Variants in DTD1 observed in about 807,000 individuals in gnomAD.
DTD1 encodes D-aminoacyl-tRNA deacylase 1.
DTD1 carries 13 observed loss-of-function variants against 25.6 expected under a neutral mutation model. The ratio of observed to expected loss-of-function variants is 0.51; its 90% CI spans 0.33 to 0.81. The LOEUF (loss-of-function observed/expected upper bound fraction) is 0.81. Ranked by LOEUF, DTD1 falls within the 30% of genes least tolerant of loss-of-function variation. The pLI, the probability that DTD1 is intolerant of heterozygous loss-of-function variation, is 0.02. For missense variants in DTD1, 193 were observed against 266.4 expected (o/e 0.72, Z 1.92); for synonymous variants, 110 against 103.6 (o/e 1.06, Z -0.37).
At chr20:18,597,004 A>G (rs1006207713) in intron 3 of DTD1, among the ~76,000 whole-genome samples, 3 of 152,196 alleles carry the variant, frequency 2.0e-5, no homozygotes, top group African/African-American at 4.8e-5. Context: ...GGGTTTGGGC[A>G]AATTTATAAT....
rs578186105 is a variant in DTD1 at position 18,618,950 on chromosome 20, T to C, written c.371-9177T>C. Reference sequence around the variant, plus strand: ...CTCATCTCGAACTCTTGATCTCAGGTACTCCTCCTGCTTTGGCCTTCCAAA... The same window carrying C: ...CTCATCTCGAACTCTTGATCTCAGGCACTCCTCCTGCTTTGGCCTTCCAAA... On this transcript the variant is annotated intron_variant, in intron 3 of 5. Transcript: ENST00000377452. Among the ~76,000 whole-genome samples, 23 of 152,268 alleles carry C rather than the reference T, an allele frequency of 1.5e-4. No individual in the cohort carries two copies. In the South Asian group the frequency reaches 4.8e-3, roughly 32 times the overall value.
intron 4 of DTD1, among the ~76,000 whole-genome samples, chr20:18,658,252 G>A (rs1482219035): frequency 1.3e-5 from 2 of 149,904 alleles, no homozygotes; most frequent in South Asian, 2.1e-4. Context: ...GTGTGTTGTT[G>A]TTGTTGTTTT....
chr20:18,690,950 C>T (rs1427707571), intron 4 of DTD1, among the ~76,000 whole-genome samples: 1 of 152,042 alleles, frequency 6.6e-6, no homozygotes, highest in African/African-American at 2.4e-5. Context: ...TTAACATGGG[C>T]AAAGGACATG....
intron 4 of DTD1, chr20:18,643,330 C>A: frequency 3.7e-6 from 1 of 268,302 alleles, no homozygotes; most frequent in Non-Finnish European, 7.8e-6. Flanking sequence ...AGTACGACAC[C>A]GTCTGGCTTC....
Position 18,626,086 on chromosome 20 carries a change from C to A in DTD1, c.371-2041C>A, listed in dbSNP as rs537568559. On this transcript the variant is annotated intron_variant, in intron 3 of 5. Coordinates refer to ENST00000377452, the MANE Select transcript of DTD1 (RefSeq NM_080820.6). ...TTTTCTGTCCCATCCCTGCAATTTG[C>A]GCATATACTACCATGGACAGTGGTA... 5.3e-5 allele frequency among the ~76,000 whole-genome samples: 8 copies of A among 152,284 alleles called. No homozygotes were observed. The East Asian group carries it at 1.5e-3, about 29-fold the overall frequency.
chr20:18,634,251 C>G (rs1181558836), intron 4 of DTD1, among the ~76,000 whole-genome samples: 1 of 152,154 alleles, frequency 6.6e-6, no homozygotes, highest in Non-Finnish European at 1.5e-5. Flanking sequence ...TGCTCTTTCT[C>G]TGCGTAGGGC....
rs1365269788 is a variant in DTD1 at position 18,757,313 on chromosome 20, A to G, written c.*20-6047A>G. ...GCCAGAACTTTCAACACTATGTTGA[A>G]TAGGAGTGGTGAGAGAGGGCATCCC... On this transcript the variant is annotated intron_variant, in intron 5 of 5. Transcript: ENST00000377452. Among the ~76,000 whole-genome samples, 4 of 152,304 alleles carry G rather than the reference A, an allele frequency of 2.6e-5. No individual in the cohort carries two copies. The East Asian group carries it at 5.8e-4, about 22-fold the overall frequency.
Position 18,664,428 on chromosome 20 carries a change from T to C in DTD1, c.477+36195T>C, listed in dbSNP as rs576445938. On this transcript the variant is annotated intron_variant, in intron 4 of 5. Coordinates refer to ENST00000377452, the MANE Select transcript of DTD1 (RefSeq NM_080820.6). ...AGGGGACCGACTGCCTTCATGCCCC[T>C]TGTGTTCCTGCTTTCTGATGGTATT... is the stretch of plus-strand genomic sequence containing the variant. 3.9e-5 allele frequency among the ~76,000 whole-genome samples: 6 copies of C among 152,340 alleles called. No individual in the cohort carries two copies. In the South Asian group the frequency reaches 1.0e-3, roughly 26 times the overall value.
intron 4 of DTD1, chr20:18,630,650 C>G (rs2060783183): frequency 6.6e-6 from 1 of 152,220 alleles, no homozygotes; most frequent in Non-Finnish European, 1.5e-5. Context: ...GTGTGAACTA[C>G]CGCGCCCAGC....
intron 4 of DTD1, among the ~76,000 whole-genome samples, chr20:18,642,241 G>A (rs2060831574): frequency 1.3e-5 from 2 of 152,032 alleles, no homozygotes; most frequent in Admixed American, 1.3e-4. Context: ...AATTAGCATT[G>A]ACATTTTACT....
intron 3 of DTD1, among the ~76,000 whole-genome samples, chr20:18,597,544 C>G (rs1316006301): frequency 1.3e-5 from 2 of 152,112 alleles, no homozygotes; most frequent in African/African-American, 4.8e-5. Flanking sequence ...CTTTGTTGCC[C>G]CAGTCCTAGG....
At chr20:18,693,239 A>G (rs887340919) in intron 4 of DTD1, among the ~76,000 whole-genome samples, 1 of 152,060 alleles carries the variant, frequency 6.6e-6, no homozygotes, top group Admixed American at 6.5e-5. Context: ...ATTTCTCTTT[A>G]TTGTGGTGGT....
At chr20:18,685,092 G>A (rs1020639061) in intron 4 of DTD1, among the ~76,000 whole-genome samples, 3 of 152,032 alleles carry the variant, frequency 2.0e-5, no homozygotes, top group African/African-American at 4.8e-5. Flanking sequence ...TTGAAGAAAC[G>A]GGGTCTCACT....
At chr20:18,599,417 C>A (rs566380989) in intron 3 of DTD1, among the ~76,000 whole-genome samples, 1 of 151,736 alleles carries the variant, frequency 6.6e-6, no homozygotes, top group African/African-American at 2.4e-5. Flanking sequence ...TCAGGTAATC[C>A]GCCCACATCA....
chr20:18,633,787 G>A (rs1297160866), intron 4 of DTD1, among the ~76,000 whole-genome samples: 1 of 152,206 alleles, frequency 6.6e-6, no homozygotes, highest in East Asian at 1.9e-4. Context: ...CTACTTATGT[G>A]ATGCAGCTAC....
At chr20:18,624,388 T>G (rs1226224458) in intron 3 of DTD1, among the ~76,000 whole-genome samples, 1 of 152,186 alleles carries the variant, frequency 6.6e-6, no homozygotes, top group Non-Finnish European at 1.5e-5. Flanking sequence ...AGGGAGAAAT[T>G]ACAGGCCAAG....
chr20:18,708,297 AATATATATATT>A (rs2061141902), intron 4 of DTD1, among the ~76,000 whole-genome samples: 1 of 38,654 alleles, frequency 2.6e-5, no homozygotes, highest in Non-Finnish European at 4.8e-5. Flanking sequence ...ATATATATAT[AATATATATATT>A]TTATATATAT....
chr20:18,674,627 G>C (rs1218684863), intron 4 of DTD1: 3 of 152,280 alleles, frequency 2.0e-5, no homozygotes, highest in African/African-American at 2.4e-5. Context: ...TATCTCCTCT[G>C]GGGGAGCTGA....
intron 4 of DTD1, among the ~76,000 whole-genome samples, chr20:18,727,900 ATGGGCATTTG>A (rs2061228048): frequency 6.6e-6 from 1 of 152,182 alleles, no homozygotes; most frequent in South Asian, 2.1e-4. Flanking sequence ...CTAGCGGTGG[ATGGGCATTTG>A]TGGGAGAGGT....
Sources: allele counts gnomAD v4.1 joint callset (sites outside exome capture counted in the v4.1 genomes callset), GRCh38; gene constraint gnomAD v4.1.1; transcripts MANE v1.5; gene names NCBI Gene and HGNC (gene_info 2026-07-23, HGNC 2026-07-21).